The following PDE1C variants were observed in gnomAD, a reference collection of about 807,000 sequenced individuals.
The protein encoded by PDE1C is phosphodiesterase 1C, also known as dual specificity calcium/calmodulin-dependent 3',5'-cyclic nucleotide phosphodiesterase 1C.
A neutral mutation model predicts 93.1 loss-of-function variants in PDE1C; 62 were observed. The ratio of observed to expected loss-of-function variants is 0.67; its 90% CI spans 0.54 to 0.82. The LOEUF (loss-of-function observed/expected upper bound fraction) is 0.82, where lower values mean the gene tolerates loss of function less well. Ranked by LOEUF, PDE1C falls within the 40% of genes least tolerant of loss-of-function variation. The probability of loss-of-function intolerance (pLI) is 0.00; values close to 1 mark genes in which losing one functional copy is unlikely to be tolerated. For synonymous variants in PDE1C, 325 were observed against 310.1 expected (o/e 1.05, Z -0.50); for missense variants, 742 against 884.6 (o/e 0.84, Z 2.04).
chr7:31,672,043 T>G, the PDE1C span, among the ~76,000 whole-genome samples: 1 of 152,216 alleles, frequency 6.6e-6, no homozygotes, highest in Non-Finnish European at 1.5e-5. Context: ...TAGAAAAGTA[T>G]TATTTTTCTT....
chr7:32,067,777 C>G (rs17160859), intron 1 of PDE1C, among the ~76,000 whole-genome samples: 1 of 152,140 alleles, frequency 6.6e-6, no homozygotes, highest in South Asian at 2.1e-4. Flanking sequence ...ACAGGTCTCA[C>G]GGCCATAAGC....
chr7:31,770,759 C>G (rs937358106), intron 17 of PDE1C, among the ~76,000 whole-genome samples: 1 of 152,174 alleles, frequency 6.6e-6, no homozygotes, highest in Non-Finnish European at 1.5e-5. Context: ...ATCCACCCGC[C>G]TTGGCCTCCA....
chr7:31,848,395 T>A (rs1178266314), intron 8 of PDE1C, among the ~76,000 whole-genome samples: 2 of 152,184 alleles, frequency 1.3e-5, no homozygotes, highest in Non-Finnish European at 2.9e-5. Flanking sequence ...GGTGTTTTTT[T>A]AAAAATATGG....
intron 3 of PDE1C, among the ~76,000 whole-genome samples, chr7:32,088,444 C>T (rs140504000): frequency 6.6e-6 from 1 of 152,366 alleles, no homozygotes; most frequent in East Asian, 1.9e-4. Flanking sequence ...GAGCCCACCT[C>T]GCTTGGCAAC....
chr7:31,881,949 T>G (rs894212965), intron 2 of PDE1C, among the ~76,000 whole-genome samples: 61 of 152,192 alleles, frequency 4.0e-4, no homozygotes, highest in African/African-American at 1.4e-3. Context: ...TTGTCAAATC[T>G]CCACTTCCCG....
chr7:31,721,077 C>G, the PDE1C span, among the ~76,000 whole-genome samples: 35 of 152,300 alleles, frequency 2.3e-4, no homozygotes, highest in South Asian at 6.8e-3. Context: ...AAAATGTTCT[C>G]TCTAATCAAT....
chr7:31,617,333 G>A, the PDE1C span, among the ~76,000 whole-genome samples: 1 of 152,086 alleles, frequency 6.6e-6, no homozygotes, highest in South Asian at 2.1e-4. Flanking sequence ...AGCTATTAAA[G>A]AATAAGTGTT....
chr7:32,142,470 G>T (rs1800596015), intron 3 of PDE1C, among the ~76,000 whole-genome samples: 1 of 152,126 alleles, frequency 6.6e-6, no homozygotes, highest in South Asian at 2.1e-4. Flanking sequence ...ACGTGAAAGT[G>T]ACTGGCCAGA....
chr7:31,639,303 T>A, the PDE1C span, among the ~76,000 whole-genome samples: 1 of 152,140 alleles, frequency 6.6e-6, no homozygotes, highest in Non-Finnish European at 1.5e-5. Flanking sequence ...ATCTCTATGT[T>A]TCATTTGGGA....
chr7:31,619,889 G>C, the PDE1C span, among the ~76,000 whole-genome samples: 1 of 152,130 alleles, frequency 6.6e-6, no homozygotes, highest in Non-Finnish European at 1.5e-5. Context: ...CTGGAAAATC[G>C]GGTCACTCCC....
chr7:32,035,830 G>A (rs1255359963), intron 2 of PDE1C, among the ~76,000 whole-genome samples: 1 of 152,152 alleles, frequency 6.6e-6, no homozygotes, highest in Non-Finnish European at 1.5e-5. Context: ...TGCTTCTGAT[G>A]GCAATGGATG....
the PDE1C span, among the ~76,000 whole-genome samples, chr7:31,714,457 C>G: frequency 0.037 from 5,705 of 152,292 alleles, 393 homozygotes; most frequent in African/African-American, 0.13. Flanking sequence ...CCTCCAAACT[C>G]TTCCAACCCC....
chr7:31,998,249 G>C (rs531482835), intron 2 of PDE1C, among the ~76,000 whole-genome samples: 6 of 152,208 alleles, frequency 3.9e-5, no homozygotes, highest in Non-Finnish European at 8.8e-5. Flanking sequence ...TCGATCTCCT[G>C]ACCTCGTGAT....
chr7:32,327,754 C>T (rs1054383632), intron 1 of PDE1C, among the ~76,000 whole-genome samples: 10 of 127,034 alleles, frequency 7.9e-5, no homozygotes, highest in Admixed American at 3.7e-4. Flanking sequence ...TGGGCAACAG[C>T]GCTAGACTCT....
At chr7:32,261,511 G>T (rs918587754) in intron 1 of PDE1C, among the ~76,000 whole-genome samples, 1 of 152,172 alleles carries the variant, frequency 6.6e-6, no homozygotes, top group Non-Finnish European at 1.5e-5. Flanking sequence ...CCAGCTCTGC[G>T]TGAATTACTC....
intron 1 of PDE1C, among the ~76,000 whole-genome samples, chr7:32,236,190 C>A (rs1336880993): frequency 6.6e-6 from 1 of 151,952 alleles, no homozygotes; most frequent in Admixed American, 6.6e-5. Context: ...ATTTTAAAAT[C>A]TTTAAAGACC....
At chr7:32,388,944 G>A (rs1417816832) in intron 1 of PDE1C, among the ~76,000 whole-genome samples, 1 of 152,102 alleles carries the variant, frequency 6.6e-6, no homozygotes, top group African/African-American at 2.4e-5. Flanking sequence ...AAATTTCATT[G>A]AAAGTGATGC....
rs75788772 is a variant in PDE1C at position 32,296,655 on chromosome 7, G to A, written c.85+1996C>T. Among the ~76,000 whole-genome samples, 958 of 152,238 alleles carry A rather than the reference G, an allele frequency of 6.3e-3. 10 individuals are homozygous for A. Among genetic ancestry groups the A allele is most frequent in the African/African-American group, 0.022 (896 of 41,544 alleles). On this transcript the variant is annotated intron_variant, in intron 1 of 18. Transcript: ENST00000396193. Reference sequence around the variant, plus strand: ...CAGAAAGGGAAAATGTCAGGAAGAGGAGGACCACACTATGATCCTGGATTT... The same window carrying A: ...CAGAAAGGGAAAATGTCAGGAAGAGAAGGACCACACTATGATCCTGGATTT...
At chr7:31,867,304 C>T (rs928045292) in intron 6 of PDE1C, among the ~76,000 whole-genome samples, 5 of 152,056 alleles carry the variant, frequency 3.3e-5, no homozygotes, top group African/African-American at 9.7e-5. Context: ...CCCAGCCACC[C>T]GTATACAGCT....
Sources: gnomAD v4.1 joint callset for allele counts (sites outside exome capture counted in the v4.1 genomes callset) on GRCh38, gnomAD v4.1.1 for gene constraint, MANE v1.5 for transcripts, NCBI Gene and HGNC (gene_info 2026-07-23, HGNC 2026-07-21) for gene names.